Variants in TMEM268 observed in about 807,000 individuals in gnomAD.
TMEM268 encodes transmembrane protein 268, also known as transmembrane protein C9orf91.
Under a neutral mutation model 39.1 loss-of-function variants are expected in TMEM268, and 24 were observed. That is an observed-to-expected ratio of 0.61 (90% CI 0.44 to 0.86). The LOEUF (loss-of-function observed/expected upper bound fraction) is 0.86, where lower values mean the gene tolerates loss of function less well. Among genes scored for constraint, TMEM268 ranks in the 40% least tolerant of loss-of-function variants. The probability of loss-of-function intolerance (pLI) is 0.00; values close to 1 mark genes in which losing one functional copy is unlikely to be tolerated. For synonymous variants in TMEM268, 176 were observed against 173.5 expected (o/e 1.01, Z -0.12); for missense variants, 409 against 428.6 (o/e 0.95, Z 0.40).
chr9:114,606,496 G>A (rs887843414), upstream of TMEM268, among the ~76,000 whole-genome samples: 3 of 152,168 alleles, frequency 2.0e-5, no homozygotes, highest in African/African-American at 7.2e-5. Flanking sequence ...ACTAGCAACG[G>A]AACATTCTGT....
At chr9:114,612,365 G>C (rs2133581788) in intron 1 of TMEM268, among the ~76,000 whole-genome samples, 1 of 152,336 alleles carries the variant, frequency 6.6e-6, no homozygotes, top group South Asian at 2.1e-4. Context: ...AGGAGACCCA[G>C]AGAAGCTCTA....
upstream of TMEM268, among the ~76,000 whole-genome samples, chr9:114,606,563 T>A (rs1383534506): frequency 1.3e-5 from 2 of 152,240 alleles, no homozygotes; most frequent in Non-Finnish European, 2.9e-5. Context: ...ACATCAACTT[T>A]ATACCAGGTG....
At chr9:114,640,114 C>CTT (rs11314395) in intron 8 of TMEM268, among the ~76,000 whole-genome samples, 1 of 139,998 alleles carries the variant, frequency 7.1e-6, no homozygotes, top group Non-Finnish European at 1.6e-5. Flanking sequence ...ATCCTATTGA[C>CTT]TTTTTTTTTT....
intron 2 of TMEM268, among the ~76,000 whole-genome samples, chr9:114,621,909 A>T (rs1262082892): frequency 6.6e-6 from 1 of 152,224 alleles, no homozygotes; most frequent in Non-Finnish European, 1.5e-5. Context: ...GCAAAGCAAC[A>T]GGAAGCGATT....
rs750940811 is a variant in TMEM268, at chr9:114,643,193, C to T, written c.909C>T (p.Thr303=). The part of the protein sequence containing the change: ...FGGYYIRLLV[T]SQLPQAMGTR... ...GCTACTACATCCGGCTTCTAGTGAC[C>T]TCCCAGCTCCCTCAGGCAATGGGGA... The change falls in exon 9 of 9, where the codon ACC becomes ACT. Residue 303 remains threonine (T), a synonymous_variant. Coordinates refer to ENST00000288502, the MANE Select transcript of TMEM268 (RefSeq NM_153045.4). 8 of 1,614,102 alleles carry T rather than the reference C, an allele frequency of 5.0e-6. No individual in the cohort carries two copies. The East Asian group carries it at 6.7e-5, about 13-fold the overall frequency.
intron 1 of TMEM268, among the ~76,000 whole-genome samples, chr9:114,612,252 A>G (rs1845530337): frequency 1.3e-5 from 2 of 152,152 alleles, no homozygotes; most frequent in Admixed American, 6.5e-5. Flanking sequence ...AGGACTTAAG[A>G]GTATGTTCCT....
chr9:114,612,702 C>T (rs971977009), intron 1 of TMEM268, among the ~76,000 whole-genome samples: 26 of 152,294 alleles, frequency 1.7e-4, no homozygotes, highest in African/African-American at 6.3e-4. Context: ...TTGCCAAGCC[C>T]AGGAGCCTCC....
At chr9:114,627,440 C>T (rs1846211864) in intron 4 of TMEM268, among the ~76,000 whole-genome samples, 1 of 152,050 alleles carries the variant, frequency 6.6e-6, no homozygotes, top group Non-Finnish European at 1.5e-5. Flanking sequence ...ATGTATACAT[C>T]TTCATATTGA....
chr9:114,627,190 G>A (rs959060787), intron 4 of TMEM268, among the ~76,000 whole-genome samples, 184 bp downstream of exon 4: 5 of 152,180 alleles, frequency 3.3e-5, no homozygotes, highest in African/African-American at 7.2e-5. Flanking sequence ...ATGGGAGAGA[G>A]TTGTAACCAG....
chr9:114,616,646 G>A (rs564491373), intron 1 of TMEM268, among the ~76,000 whole-genome samples: 3 of 151,760 alleles, frequency 2.0e-5, no homozygotes, highest in Admixed American at 6.5e-5. Context: ...GATTACAGGC[G>A]TGAGCCACCG....
intron 3 of TMEM268, among the ~76,000 whole-genome samples, chr9:114,624,969 C>G (rs972675342): frequency 6.6e-6 from 1 of 152,164 alleles, no homozygotes; most frequent in African/African-American, 2.4e-5. Context: ...GGAGAGGGGA[C>G]TGCATATACA....
intron 2 of TMEM268, among the ~76,000 whole-genome samples, chr9:114,620,147 G>C (rs1161325052): frequency 6.6e-6 from 1 of 152,098 alleles, no homozygotes; most frequent in South Asian, 2.1e-4. Context: ...CCTGGGAGGC[G>C]GAGGTTGCAG....
rs144749225 is a variant in TMEM268 at position 114,620,072 on chromosome 9, G to A, written c.106+2771G>A. 2.4e-4 allele frequency among the ~76,000 whole-genome samples: 37 copies of A among 152,058 alleles called. 1 individual carries two copies. The highest frequency in any genetic ancestry group is 1.1e-3 in the Admixed American group (17 of 15,266). ...CTATGAAAAATACAAAAAATTAGCC[G>A]GGTGTGGTGGCGCACACCTGTAATC... is the stretch of plus-strand genomic sequence containing the variant. On this transcript the variant is annotated intron_variant, in intron 2 of 8. Transcript: ENST00000288502.
At chr9:114,629,818 G>C (rs1440852354) in intron 5 of TMEM268, among the ~76,000 whole-genome samples, 3 of 152,160 alleles carry the variant, frequency 2.0e-5, no homozygotes, top group East Asian at 3.8e-4. Context: ...GTGTGTTCAC[G>C]AGACAAACGG....
chr9:114,605,825 G>T, the TMEM268 span, among the ~76,000 whole-genome samples: 2 of 152,060 alleles, frequency 1.3e-5, no homozygotes, highest in African/African-American at 2.4e-5. Flanking sequence ...AGCTACTTGT[G>T]GGGGCTAAAG....
Position 114,624,457 on chromosome 9 carries a change from C to A in TMEM268, c.214C>A (p.Gln72Lys). ...AEEQLQTWGIQVPADQYRSLA... is the reference protein window; with the variant it reads ...AEEQLQTWGIKVPADQYRSLA... ...AGAGCAACTGCAAACTTGGGGCATC[C>A]AGGTGAGTGCTGATTTCCTTGAATC... The change falls in exon 3 of 9, where the codon CAG becomes AAG. Residue 72 changes from glutamine (Q) to lysine (K), a missense_variant and splice_region_variant. Physicochemically the swap from Gln to Lys is moderately conservative, Grantham distance 53 (BLOSUM62 1). Coordinates refer to ENST00000288502, the MANE Select transcript of TMEM268 (RefSeq NM_153045.4). 6.4e-7 allele frequency: 1 copy of A among 1,569,396 alleles called. No individual in the cohort carries two copies. Among genetic ancestry groups the A allele is most frequent in the East Asian group, 2.3e-5 (1 of 42,952 alleles).
intron 8 of TMEM268, among the ~76,000 whole-genome samples, chr9:114,639,410 T>C (rs889612290): frequency 1.3e-5 from 2 of 152,124 alleles, no homozygotes; most frequent in African/African-American, 4.8e-5. Flanking sequence ...TCTTTGCATT[T>C]CTGTTGAATT....
chr9:114,629,490 G>A (rs919798749), intron 5 of TMEM268, among the ~76,000 whole-genome samples: 3 of 152,182 alleles, frequency 2.0e-5, no homozygotes, highest in African/African-American at 7.2e-5. Flanking sequence ...ATTACATTGG[G>A]CCAGCTGGAT....
At chr9:114,628,019 T>C (rs1015551350) in intron 4 of TMEM268, 82 bp from the exon 5 acceptor site, 18 of 1,475,976 alleles carry the variant, frequency 1.2e-5, no homozygotes, top group Non-Finnish European at 1.7e-5. Context: ...ATCAGTAGTG[T>C]CTGAAAGGTG....
Sources: allele counts gnomAD v4.1 joint callset (sites outside exome capture counted in the v4.1 genomes callset), GRCh38; gene constraint gnomAD v4.1.1; transcripts MANE v1.5; gene names NCBI Gene and HGNC (gene_info 2026-07-23, HGNC 2026-07-21).